ARHGAP10: variants seen among roughly 807,000 people sequenced by gnomAD.
ARHGAP10 encodes Rho GTPase activating protein 10.
Under a neutral mutation model 108.6 loss-of-function variants are expected in ARHGAP10, and 87 were observed. The observed-to-expected ratio is 0.80, with a 90% CI of 0.67 to 0.96. The LOEUF is 0.96. Ranked by LOEUF, ARHGAP10 falls within the 40% of genes least tolerant of loss-of-function variation. The pLI is 0.00. For missense variants in ARHGAP10, 939 were observed against 954.5 expected, an observed-to-expected ratio of 0.98 and a Z score of 0.21; for synonymous variants, 347 against 341.1, an observed-to-expected ratio of 1.02 and a Z score of -0.19.
intron 3 of ARHGAP10, among the ~76,000 whole-genome samples, chr4:147,846,546 T>C (rs182127003): frequency 1.8e-3 from 273 of 152,276 alleles, no homozygotes; most frequent in African/African-American, 5.0e-3. Context: ...GAAAATGTGG[T>C]TGTGGCTGGA....
At chr4:147,826,849 T>C (rs561481200) in intron 3 of ARHGAP10, among the ~76,000 whole-genome samples, 13 of 152,128 alleles carry the variant, frequency 8.5e-5, no homozygotes, top group African/African-American at 3.1e-4. Flanking sequence ...ATTCAAGTTT[T>C]CCTGATACTC....
intron 10 of ARHGAP10, among the ~76,000 whole-genome samples, chr4:147,884,670 G>T (rs570026281): frequency 7.2e-5 from 11 of 152,206 alleles, no homozygotes; most frequent in African/African-American, 2.2e-4. Context: ...AAACTAAAGG[G>T]TTATCTGGAG....
At chr4:147,736,190 A>T (rs1462861605) in intron 1 of ARHGAP10, among the ~76,000 whole-genome samples, 1 of 151,468 alleles carries the variant, frequency 6.6e-6, no homozygotes, top group Non-Finnish European at 1.5e-5. Context: ...GTCTGCTGTT[A>T]CTAAACATGC....
intron 16 of ARHGAP10, among the ~76,000 whole-genome samples, chr4:147,956,556 T>C (rs967731572): frequency 1.3e-5 from 2 of 152,158 alleles, no homozygotes; most frequent in African/African-American, 2.4e-5. Flanking sequence ...AAGTAAATGC[T>C]TAGTTGTTTT....
chr4:147,851,805 T>C (rs765288080), intron 4 of ARHGAP10, among the ~76,000 whole-genome samples: 2 of 152,124 alleles, frequency 1.3e-5, no homozygotes, highest in African/African-American at 2.4e-5. Flanking sequence ...TAAAAATATA[T>C]TGTGGAAAGT....
chr4:147,782,840 C>A (rs1237678846), intron 1 of ARHGAP10, among the ~76,000 whole-genome samples: 1 of 143,552 alleles, frequency 7.0e-6, no homozygotes. Flanking sequence ...CTCCAAAGAC[C>A]CAGGAAAAAT....
intron 1 of ARHGAP10, among the ~76,000 whole-genome samples, chr4:147,751,613 A>G (rs1266273785): frequency 6.6e-6 from 1 of 151,576 alleles, no homozygotes; most frequent in Non-Finnish European, 1.5e-5. Context: ...TGATGTGCCT[A>G]CCTCCGGCCC....
At chr4:147,780,239 G>C (rs1730476664) in intron 1 of ARHGAP10, among the ~76,000 whole-genome samples, 1 of 152,114 alleles carries the variant, frequency 6.6e-6, no homozygotes. Context: ...GTGGATCTGG[G>C]AGCAGAGCTG....
chr4:148,011,250 C>T (rs1297652667), intron 18 of ARHGAP10, among the ~76,000 whole-genome samples: 1 of 152,168 alleles, frequency 6.6e-6, no homozygotes, highest in East Asian at 1.9e-4. Flanking sequence ...TTGAAACAAT[C>T]TTGTTATTTT....
intron 1 of ARHGAP10, among the ~76,000 whole-genome samples, chr4:147,778,271 G>A (rs1358609938): frequency 1.3e-5 from 2 of 152,126 alleles, no homozygotes; most frequent in Non-Finnish European, 2.9e-5. Flanking sequence ...GACATAAAAT[G>A]CCTCTTTTTG....
intron 1 of ARHGAP10, among the ~76,000 whole-genome samples, chr4:147,789,847 T>A (rs1731047911): frequency 6.6e-6 from 1 of 152,140 alleles, no homozygotes; most frequent in Non-Finnish European, 1.5e-5. Context: ...TTCCTGTTGG[T>A]CCAGGGAGAC....
At position 148,072,509 on chromosome 4, in the gene ARHGAP10, A is replaced by G. The variant is rs932797673; in HGVS notation, c.*428A>G. The G allele has an allele frequency of 9.4e-5, 15 of 159,736 alleles. No individual in the cohort carries two copies. The highest frequency in any genetic ancestry group is 1.9e-4 in the Non-Finnish European group (14 of 73,450). The allele number at this position is 159,736 out of a possible 1,614,324, so 9.9% of individuals were successfully genotyped here. ...GTACTACTCGCAGTGATAGGTTTGC[A>G]GAGTGTGTGCTTGGCTGTGGCAGCC... is the stretch of plus-strand genomic sequence containing the variant. On this transcript the variant is annotated 3_prime_UTR_variant, in exon 23 of 23. Transcript: ENST00000336498.
chr4:148,059,119 G>T (rs1029620512), intron 20 of ARHGAP10, among the ~76,000 whole-genome samples: 20 of 152,242 alleles, frequency 1.3e-4, no homozygotes, highest in African/African-American at 4.8e-4. Flanking sequence ...CTTTGAGAAA[G>T]AAGGACGGTG....
intron 1 of ARHGAP10, among the ~76,000 whole-genome samples, chr4:147,794,937 A>AATTCAAT (rs748482607): frequency 7.2e-5 from 11 of 152,186 alleles, no homozygotes; most frequent in Non-Finnish European, 1.3e-4. Context: ...TTACCATAAA[A>AATTCAAT]ATTCAATATT....
At chr4:147,851,813 A>G (rs1313706368) in intron 4 of ARHGAP10, among the ~76,000 whole-genome samples, 1 of 152,194 alleles carries the variant, frequency 6.6e-6, no homozygotes, top group East Asian at 1.9e-4. Context: ...TATTGTGGAA[A>G]GTGCTGTAAT....
intron 10 of ARHGAP10, among the ~76,000 whole-genome samples, chr4:147,904,917 C>T (rs530515557): frequency 2.1e-3 from 312 of 152,162 alleles, no homozygotes; most frequent in African/African-American, 6.0e-3. Flanking sequence ...TTTTAATGAT[C>T]GCCATTCTAA....
intron 5 of ARHGAP10, chr4:147,862,302 G>A (rs907094158): frequency 2.6e-5 from 4 of 152,850 alleles, no homozygotes; most frequent in African/African-American, 9.6e-5. Context: ...AGCCGGGAGA[G>A]GCCAGGGAGC....
chr4:147,948,975 AAAAC>A (rs1738492420), intron 15 of ARHGAP10, among the ~76,000 whole-genome samples: 1 of 151,140 alleles, frequency 6.6e-6, no homozygotes, highest in Non-Finnish European at 1.5e-5. Flanking sequence ...CAAAAAAAAA[AAAAC>A]AAAAAAACCC....
chr4:148,023,530 G>T (rs1741654050), intron 19 of ARHGAP10, 117 bp downstream of exon 19: 2 of 1,178,852 alleles, frequency 1.7e-6, no homozygotes, highest in Non-Finnish European at 1.1e-6. Context: ...CTTCCCTTAA[G>T]ATTATAATTT....
Sources: gnomAD v4.1 joint callset for allele counts (sites outside exome capture counted in the v4.1 genomes callset) on GRCh38, gnomAD v4.1.1 for gene constraint, MANE v1.5 for transcripts, NCBI Gene and HGNC (gene_info 2026-07-23, HGNC 2026-07-21) for gene names.